Variants in SDHA observed in about 807,000 individuals in gnomAD.
SDHA encodes the protein succinate dehydrogenase [ubiquinone] flavoprotein subunit, mitochondrial.
Under a neutral mutation model 78.4 loss-of-function variants are expected in SDHA, and 48 were observed. The ratio of observed to expected loss-of-function variants is 0.61; its 90% CI spans 0.49 to 0.78. The LOEUF (loss-of-function observed/expected upper bound fraction) is 0.78. Among genes scored for constraint, SDHA ranks in the 30% least tolerant of loss-of-function variants. The probability of loss-of-function intolerance (pLI) is 0.00; values close to 1 mark genes in which losing one functional copy is unlikely to be tolerated. For missense variants in SDHA, 680 were observed against 892.7 expected (o/e 0.76, Z 3.04); for synonymous variants, 326 against 353.9 (o/e 0.92, Z 0.88).
At chr5:254,362 A>C (rs751550028) in intron 13 of SDHA, 31 bp from the exon 14 acceptor site, 10 of 1,555,018 alleles carry the variant, frequency 6.4e-6, no homozygotes, top group Non-Finnish European at 8.7e-6. Flanking sequence ...TGTTAGAGTA[A>C]TAAGAAACGT....
chr5:242,052 C>T (rs962069840), intron 11 of SDHA, among the ~76,000 whole-genome samples: 4 of 152,210 alleles, frequency 2.6e-5, no homozygotes, highest in African/African-American at 9.6e-5. Flanking sequence ...CCTGCTGTAT[C>T]CCAGGCTCCA....
intron 11 of SDHA, among the ~76,000 whole-genome samples, chr5:243,361 C>G (rs1431281227): frequency 6.6e-6 from 1 of 152,184 alleles, no homozygotes; most frequent in African/African-American, 2.4e-5. Context: ...TTGTCTAACT[C>G]CTGCTCAGTT....
rs567407822 is a variant in SDHA, at chr5:256,691, T to A, written c.*271T>A. Reference sequence around the variant, plus strand: ...AAATATAAATGAACAAACTTTCTTTTATTTCCAAATCCATTTGAAATATTT... The same window carrying A: ...AAATATAAATGAACAAACTTTCTTTAATTTCCAAATCCATTTGAAATATTT... On this transcript the variant is annotated 3_prime_UTR_variant, in exon 15 of 15. Transcript: ENST00000264932. The A allele has an allele frequency of 1.1e-3, 475 of 450,570 alleles. 1 individual carries two copies. Among genetic ancestry groups the A allele is most frequent in the African/African-American group, 8.5e-3 (434 of 51,212 alleles). The allele number at this position is 450,570 out of a possible 1,614,324, so 27.9% of individuals were successfully genotyped here.
At chr5:261,601 G>T (rs369910283), downstream of SDHA, among the ~76,000 whole-genome samples, 13 of 70,526 alleles carry the variant, frequency 1.8e-4, no homozygotes, top group East Asian at 4.6e-3. Context: ...TACCGTGTGA[G>T]CTCCGCCTCC....
chr5:256,241 C>A, intron 14 of SDHA, 93 bp from the exon 15 acceptor site: 1 of 917,276 alleles, frequency 1.1e-6, no homozygotes, highest in Non-Finnish European at 1.8e-6. Context: ...TGCCATAAAT[C>A]TACTTTTATA....
chr5:250,298 G>A (rs1736729085), intron 11 of SDHA: 1 of 156,004 alleles, frequency 6.4e-6, no homozygotes, highest in Admixed American at 6.2e-5. Context: ...GAGAAGCAAG[G>A]AGGAGGAGGG....
At chr5:255,219 G>A (rs1171382123) in intron 14 of SDHA, among the ~76,000 whole-genome samples, 2 of 152,052 alleles carry the variant, frequency 1.3e-5, no homozygotes, top group African/African-American at 2.4e-5. Flanking sequence ...CAGAAATAAT[G>A]AAGATAGAAA....
At chr5:252,313 A>G (rs1001803539) in intron 13 of SDHA, among the ~76,000 whole-genome samples, 1 of 126,980 alleles carries the variant, frequency 7.9e-6, no homozygotes, top group Non-Finnish European at 1.5e-5. Context: ...CCACCGTTTC[A>G]AGCCTGCCCT....
chr5:225,392 C>T, intron 3 of SDHA, 27 bp from the exon 4 acceptor site: 3 of 1,611,978 alleles, frequency 1.9e-6, no homozygotes, highest in Non-Finnish European at 2.5e-6. Context: ...CTGTTTGTGG[C>T]TTGTAAGGAG....
chr5:233,617 T>C lies in SDHA; in HGVS notation c.1036T>C (p.Ser346Pro). The C allele has an allele frequency of 1.2e-6, 2 of 1,614,050 alleles. No homozygotes were observed. Among genetic ancestry groups the C allele is most frequent in the Non-Finnish European group, 1.7e-6 (2 of 1,179,962 alleles). The change falls in exon 8 of 15, where the codon TCC (serine) becomes CCC (proline). Residue 346 changes from serine to proline, a missense_variant. Transcript: ENST00000264932. ...DLASRDVVSR[S>P]MTLEIREGRG... ...GGCGTCTAGAGATGTGGTGTCTCGG[T>C]CCATGACTCTGGAGATCCGAGAAGG... is the stretch of plus-strand genomic sequence containing the variant.
chr5:259,924 G>T (rs1231399380), downstream of SDHA, among the ~76,000 whole-genome samples: 9 of 39,410 alleles, frequency 2.3e-4, no homozygotes, highest in African/African-American at 7.4e-4. Flanking sequence ...TCCCGTCAGA[G>T]CATTACCGTG....
At chr5:227,017 T>G (rs1414142089) in intron 5 of SDHA, among the ~76,000 whole-genome samples, 1 of 152,150 alleles carries the variant, frequency 6.6e-6, no homozygotes, top group Non-Finnish European at 1.5e-5. Flanking sequence ...TGTTTTGTTT[T>G]GTTTTGTTTT....
chr5:223,002 A>G (rs6878087), intron 1 of SDHA, among the ~76,000 whole-genome samples: 37,798 of 152,152 alleles, frequency 0.25, 7,500 homozygotes, highest in African/African-American at 0.55. Flanking sequence ...TCCTGATTCA[A>G]TGTTGAGTGC....
intron 14 of SDHA, among the ~76,000 whole-genome samples, chr5:255,242 A>G (rs909479913): frequency 8.6e-5 from 13 of 151,930 alleles, no homozygotes; most frequent in African/African-American, 3.1e-4. Flanking sequence ...TTTTACCCTT[A>G]AACTTTTCAT....
At chr5:226,149 C>A in intron 5 of SDHA, 102 bp downstream of exon 5, 1 of 1,338,894 alleles carries the variant, frequency 7.5e-7, no homozygotes, top group Non-Finnish European at 1.1e-6. Context: ...CCAGAGATTA[C>A]GTAAAAAGCA....
Position 230,924 on chromosome 5 carries a change from T to G in SDHA, c.819T>G (p.Thr273=). 6.2e-7 allele frequency: 1 copy of G among 1,614,030 alleles called. No homozygotes were observed. The highest frequency in any genetic ancestry group is 8.5e-7 in the Non-Finnish European group (1 of 1,179,910). ...GCTGCACGTCTGCCCACACCAGCACTGGCGACGGCACGGCCATGATCACCA... is the reference window on the plus strand; with the variant it reads ...GCTGCACGTCTGCCCACACCAGCACGGGCGACGGCACGGCCATGATCACCA... ...YFSCTSAHTS[T]GDGTAMITRA... Residue 273 remains threonine, a synonymous_variant, in exon 7 of 15, where the codon ACT becomes ACG. Coordinates refer to ENST00000264932, the MANE Select transcript of SDHA (RefSeq NM_004168.4).
At chr5:251,497 C>G in intron 13 of SDHA, 29 bp downstream of exon 13, 1 of 1,613,614 alleles carries the variant, frequency 6.2e-7, no homozygotes, top group Non-Finnish European at 8.5e-7. Flanking sequence ...CCCACCTGCA[C>G]CTGCCTTTTC....
intron 14 of SDHA, among the ~76,000 whole-genome samples, chr5:255,968 T>TA (rs1737156374): frequency 6.6e-6 from 1 of 152,360 alleles, no homozygotes; most frequent in African/African-American, 2.4e-5. Flanking sequence ...GCATTATACT[T>TA]ACTGTCTGAG....
rs2126632343 is a variant in SDHA at position 251,082 on chromosome 5, C to T, written c.1642C>T (p.His548Tyr). The T allele has an allele frequency of 6.2e-7, 1 of 1,611,952 alleles. No individual in the cohort carries two copies. The highest frequency in any genetic ancestry group is 8.5e-7 in the Non-Finnish European group (1 of 1,179,806). ...CAGCAAGCTCTATGGAGACCTAAAG[C>T]ACCTGAAGACGTTCGACCGGGGTGA... ...KISKLYGDLK[H>Y]LKTFDRGMVW... The change falls in exon 12 of 15, where the codon CAC becomes TAC. Residue 548 changes from histidine to tyrosine, a missense_variant. Coordinates refer to ENST00000264932, the MANE Select transcript of SDHA (RefSeq NM_004168.4).
Sources: gnomAD v4.1 joint callset for allele counts (sites outside exome capture counted in the v4.1 genomes callset) on GRCh38, gnomAD v4.1.1 for gene constraint, MANE v1.5 for transcripts, NCBI Gene and HGNC (gene_info 2026-07-23, HGNC 2026-07-21) for gene names.